The following KLF8 variants were observed in gnomAD, a reference collection of about 807,000 sequenced individuals.
KLF8 encodes Krueppel-like factor 8.
In KLF8, 10 loss-of-function variants were observed where a neutral mutation model predicts 18.2. The ratio of observed to expected loss-of-function variants is 0.55; its 90% CI spans 0.34 to 0.93. The LOEUF (loss-of-function observed/expected upper bound fraction) is 0.93, where lower values mean the gene tolerates loss of function less well. KLF8 is among the 40% of genes least tolerant of loss of function. KLF8 has a pLI of 0.02. For missense variants in KLF8, 264 were observed against 277.9 expected, an observed-to-expected ratio of 0.95 and a Z score of 0.36; for synonymous variants, 109 against 97.3, an observed-to-expected ratio of 1.12 and a Z score of -0.71.
At chrX:56,226,837 T>G in the KLF8 span, among the ~76,000 whole-genome samples, 3 of 112,093 alleles carry the variant, frequency 2.7e-5, no homozygotes, top group Admixed American at 2.9e-4. Context: ...CTGGCCTGAC[T>G]TGAGAAGGGA....
the KLF8 span, among the ~76,000 whole-genome samples, chrX:56,176,911 T>C: frequency 2.7e-5 from 3 of 112,336 alleles, no homozygotes; most frequent in South Asian, 1.1e-3. Context: ...CCGAGGCTTG[T>C]GCATTCATCA....
At chrX:55,997,695 A>G in the KLF8 span, among the ~76,000 whole-genome samples, 1 of 111,638 alleles carries the variant, frequency 9.0e-6, no homozygotes, top group Non-Finnish European at 1.9e-5. Context: ...GGCTGCATAC[A>G]GTCAGCATTC....
the KLF8 span, among the ~76,000 whole-genome samples, chrX:56,202,608 C>G: frequency 1.1e-5 from 1 of 91,117 alleles, no homozygotes; most frequent in African/African-American, 4.0e-5. Flanking sequence ...CCTCTGGAAA[C>G]TATCCTTCTA....
At chrX:56,231,661 A>G (rs1002960032), upstream of KLF8, among the ~76,000 whole-genome samples, 4 of 111,547 alleles carry the variant, frequency 3.6e-5, no homozygotes, top group Non-Finnish European at 7.5e-5. Context: ...AATGAGCTAG[A>G]GAGAGACTTT....
the KLF8 span, among the ~76,000 whole-genome samples, chrX:56,036,924 A>G: frequency 2.7e-5 from 3 of 109,837 alleles, no homozygotes; most frequent in Non-Finnish European, 5.7e-5. Context: ...TTTTAAGGCA[A>G]TTGCAAATGT....
At chrX:56,189,970 T>C in the KLF8 span, among the ~76,000 whole-genome samples, 1 of 107,683 alleles carries the variant, frequency 9.3e-6, no homozygotes, top group Non-Finnish European at 1.9e-5. Flanking sequence ...TGTATACATA[T>C]GTAACTAACC....
the KLF8 span, among the ~76,000 whole-genome samples, chrX:56,145,412 A>G: frequency 2.0e-4 from 23 of 112,370 alleles, no homozygotes; most frequent in Non-Finnish European, 4.1e-4. Context: ...GGAAGTCTCA[A>G]AAAGCTACAG....
chrX:56,048,156 T>A, the KLF8 span, among the ~76,000 whole-genome samples: 1 of 111,982 alleles, frequency 8.9e-6, no homozygotes, highest in Admixed American at 9.5e-5. Flanking sequence ...CATTGTAGAT[T>A]CTGGATATTA....
chrX:56,141,696 C>T, the KLF8 span, among the ~76,000 whole-genome samples: 1 of 110,602 alleles, frequency 9.0e-6, no homozygotes, highest in Non-Finnish European at 1.9e-5. Flanking sequence ...ACAGTTATAC[C>T]TTAACTGGGG....
chrX:56,157,560 T>C, the KLF8 span, among the ~76,000 whole-genome samples: 967 of 111,328 alleles, frequency 8.7e-3, 9 homozygotes, highest in Non-Finnish European at 0.01. Context: ...TGTTGTTTCC[T>C]GACTTTTTAA....
chrX:56,177,669 C>T, the KLF8 span, among the ~76,000 whole-genome samples: 3 of 111,730 alleles, frequency 2.7e-5, no homozygotes, highest in Non-Finnish European at 5.6e-5. Flanking sequence ...GACTCTGCTG[C>T]CTTTTGTTTG....
chrX:56,113,553 A>ATTTTTTT, the KLF8 span, among the ~76,000 whole-genome samples: 1 of 24,083 alleles, frequency 4.2e-5, no homozygotes, highest in African/African-American at 1.7e-4. Flanking sequence ...TGGCAGGGAT[A>ATTTTTTT]GTTTTTTTTT....
chrX:55,920,403 T>G, the KLF8 span, among the ~76,000 whole-genome samples: 2 of 111,298 alleles, frequency 1.8e-5, no homozygotes, highest in Non-Finnish European at 3.8e-5. Flanking sequence ...TCACCAGCAA[T>G]GGATCCAAAC....
chrX:56,144,839 C>T, the KLF8 span, among the ~76,000 whole-genome samples: 1 of 108,276 alleles, frequency 9.2e-6, no homozygotes, highest in African/African-American at 3.4e-5. Flanking sequence ...GTTGCCCAGG[C>T]TGGAGTGTGG....
At chrX:56,244,716 T>C (rs1380807789) in intron 1 of KLF8, among the ~76,000 whole-genome samples, 1 of 112,369 alleles carries the variant, frequency 8.9e-6, no homozygotes, top group African/African-American at 3.2e-5. Flanking sequence ...ATTGCAACAC[T>C]ACTCTTAATT....
the KLF8 span, among the ~76,000 whole-genome samples, chrX:55,995,484 A>G: frequency 8.9e-6 from 1 of 112,210 alleles, no homozygotes; most frequent in East Asian, 2.8e-4. Context: ...TTATTGGTCT[A>G]TGTACTTACA....
chrX:55,978,767 C>T, the KLF8 span, among the ~76,000 whole-genome samples: 1 of 111,573 alleles, frequency 9.0e-6, no homozygotes. Flanking sequence ...GTCCTGGTCC[C>T]GTACTTTGTC....
chrX:55,939,111 C>A, the KLF8 span, among the ~76,000 whole-genome samples: 407 of 111,658 alleles, frequency 3.6e-3, 5 homozygotes, highest in African/African-American at 0.013. Context: ...CCAAAATTGA[C>A]CACATGGTTG....
At chrX:56,263,070 G>C (rs1215555053) in intron 2 of KLF8, among the ~76,000 whole-genome samples, 2 of 112,299 alleles carry the variant, frequency 1.8e-5, no homozygotes, top group African/African-American at 6.5e-5. Context: ...AGCTACTCAA[G>C]TGAAGAGTTA....
Sources: allele counts gnomAD v4.1 joint callset (sites outside exome capture counted in the v4.1 genomes callset), GRCh38; gene constraint gnomAD v4.1.1; transcripts MANE v1.5; gene names NCBI Gene and HGNC (gene_info 2026-07-23, HGNC 2026-07-21).